The following CNTNAP3B variants were observed in gnomAD, a reference collection of about 807,000 sequenced individuals.
CNTNAP3B encodes the protein contactin associated protein family member 3B.
Under a neutral mutation model 108.9 loss-of-function variants are expected in CNTNAP3B, and 25 were observed. The observed-to-expected ratio is 0.23, with a 90% CI of 0.17 to 0.32. The LOEUF (loss-of-function observed/expected upper bound fraction) is 0.32, where lower values mean the gene tolerates loss of function less well. Ranked by LOEUF, CNTNAP3B falls within the 10% of genes least tolerant of loss-of-function variation. The pLI, the probability that CNTNAP3B is intolerant of heterozygous loss-of-function variation, is 1.00. For missense variants in CNTNAP3B, 252 were observed against 1,210.4 expected (o/e 0.21, Z 11.75); for synonymous variants, 103 against 473.4 (o/e 0.22, Z 10.16).
At chr9:42,085,858 A>T in intron 2 of CNTNAP3B, among the ~76,000 whole-genome samples, 1 of 144,378 alleles carries the variant, frequency 6.9e-6, no homozygotes, top group Non-Finnish European at 1.5e-5. Flanking sequence ...GCAACAATTA[A>T]GTACATAAAG....
At position 41,974,369 on chromosome 9, in the gene CNTNAP3B, C is replaced by T; in HGVS notation, c.1478-4124G>A. 6.2e-6 allele frequency: 2 copies of T among 321,534 alleles called. 1 individual carries two copies. Among genetic ancestry groups the T allele is most frequent in the Non-Finnish European group, 1.1e-5 (2 of 182,246 alleles). 19.9% of individuals were successfully genotyped at this position (321,534 alleles called of 1,614,324 possible). ...AATTGAAAAAAAAAAAAAGATGCCC[C>T]CATACGATGGCCTGAGAGTGGAGAC... On this transcript the variant is annotated intron_variant, in intron 9 of 23. Coordinates refer to ENST00000377561, the MANE Select transcript of CNTNAP3B (RefSeq NM_001201380.3).
rs1269639942 is a variant in CNTNAP3B, at chr9:41,936,305, A to G, written c.2237+1939T>C. Among the ~76,000 whole-genome samples, 4 of 150,840 alleles carry G rather than the reference A, an allele frequency of 2.7e-5. No individual in the cohort carries two copies. In the East Asian group the frequency reaches 5.8e-4, roughly 22 times the overall value. On this transcript the variant is annotated intron_variant, in intron 14 of 23. Coordinates refer to ENST00000377561, the MANE Select transcript of CNTNAP3B (RefSeq NM_001201380.3). The stretch of plus-strand genomic sequence containing the variant: ...ACAAAAACAAAACAAAACGGTTAAC[A>G]TTCTTCGAACTAAGTTATAAAGCCA...
intron 13 of CNTNAP3B, among the ~76,000 whole-genome samples, chr9:41,943,690 C>A (rs1395175199): frequency 6.7e-6 from 1 of 148,842 alleles, no homozygotes; most frequent in African/African-American, 2.5e-5. Flanking sequence ...CCTATGTAAC[C>A]CATAATCGGA....
At chr9:41,932,662 T>G (rs1312272107) in intron 14 of CNTNAP3B, among the ~76,000 whole-genome samples, 21 of 152,172 alleles carry the variant, frequency 1.4e-4, no homozygotes, top group Non-Finnish European at 2.1e-4. Context: ...TGGGATTACA[T>G]GCGTGCGCCA....
intron 15 of CNTNAP3B, among the ~76,000 whole-genome samples, chr9:41,924,645 GCACACACACACACACACACACACA>G (rs200851620): frequency 1.5e-5 from 2 of 135,062 alleles, no homozygotes; most frequent in Non-Finnish European, 3.2e-5. Context: ...TTTCCTTCCT[GCACACACACACACACACACACACA>G]CACACACACA....
intron 3 of CNTNAP3B, among the ~76,000 whole-genome samples, chr9:42,037,467 G>A (rs1338031905): frequency 1.5e-5 from 2 of 129,688 alleles, no homozygotes; most frequent in African/African-American, 3.2e-5. Flanking sequence ...CATGGCAAAA[G>A]AACCACATGA....
At chr9:41,923,699 T>C (rs892698784) in intron 16 of CNTNAP3B, among the ~76,000 whole-genome samples, 14 of 152,286 alleles carry the variant, frequency 9.2e-5, no homozygotes, top group African/African-American at 3.1e-4. Flanking sequence ...GAGGCTGAGG[T>C]TGCAGTGAGC....
intron 10 of CNTNAP3B, among the ~76,000 whole-genome samples, chr9:41,969,086 A>G (rs1443123697): frequency 7.2e-5 from 11 of 152,388 alleles, no homozygotes; most frequent in South Asian, 4.1e-4. Context: ...GTGAGCCACC[A>G]CGCTGGGCCA....
intron 1 of CNTNAP3B, among the ~76,000 whole-genome samples, chr9:42,115,946 C>G (rs1293816030): frequency 1.1e-4 from 15 of 132,822 alleles, no homozygotes; most frequent in Non-Finnish European, 2.1e-4. Flanking sequence ...TGTTCGAACC[C>G]GTCGCAAAGA....
intron 13 of CNTNAP3B, among the ~76,000 whole-genome samples, chr9:41,952,949 G>A (rs1403538485): frequency 6.6e-6 from 1 of 152,162 alleles, no homozygotes; most frequent in Non-Finnish European, 1.5e-5. Flanking sequence ...ATTAAGAAAG[G>A]ACAAGTCACT....
At chr9:41,939,967 T>A (rs559793970) in intron 13 of CNTNAP3B, among the ~76,000 whole-genome samples, 31 of 152,238 alleles carry the variant, frequency 2.0e-4, no homozygotes, top group Admixed American at 5.2e-4. Context: ...GAACATACAA[T>A]AACATAACGT....
At chr9:41,958,624 T>C (rs1344519873) in intron 12 of CNTNAP3B, among the ~76,000 whole-genome samples, 3 of 151,774 alleles carry the variant, frequency 2.0e-5, no homozygotes, top group African/African-American at 4.9e-5. Context: ...CAGCCCTCCC[T>C]CCCATCACCA....
chr9:41,999,517 C>T (rs1346536080), intron 4 of CNTNAP3B, among the ~76,000 whole-genome samples: 1 of 112,374 alleles, frequency 8.9e-6, no homozygotes, highest in African/African-American at 3.9e-5. Context: ...TTCCTTAAAA[C>T]TCTCTCTCTC....
intron 11 of CNTNAP3B, among the ~76,000 whole-genome samples, chr9:41,963,731 T>C (rs1825176900): frequency 6.6e-6 from 1 of 151,400 alleles, no homozygotes; most frequent in African/African-American, 2.4e-5. Context: ...CAATCAGGCA[T>C]CCTGGAGCCA....
At chr9:42,097,831 T>C (rs1279724866) in intron 2 of CNTNAP3B, among the ~76,000 whole-genome samples, 1 of 137,354 alleles carries the variant, frequency 7.3e-6, no homozygotes, top group Non-Finnish European at 1.6e-5. Flanking sequence ...AATAGCACTT[T>C]AAAGAACATT....
At chr9:42,098,527 G>A (rs1343688092) in intron 2 of CNTNAP3B, among the ~76,000 whole-genome samples, 1 of 90,090 alleles carries the variant, frequency 1.1e-5, no homozygotes, top group Admixed American at 1.2e-4. Context: ...AGCTTGCAGT[G>A]AGCAGAGATC....
At chr9:41,944,628 AAAG>A (rs1824469307) in intron 13 of CNTNAP3B, among the ~76,000 whole-genome samples, 1 of 151,934 alleles carries the variant, frequency 6.6e-6, no homozygotes, top group South Asian at 2.1e-4. Context: ...TTCAGGAAAA[AAAG>A]AAGAAACAAG....
chr9:41,961,581 C>T (rs1223292263), intron 11 of CNTNAP3B, among the ~76,000 whole-genome samples: 3 of 152,290 alleles, frequency 2.0e-5, no homozygotes, highest in Admixed American at 6.5e-5. Context: ...TTAAGCTATG[C>T]GGCAGTTATA....
intron 10 of CNTNAP3B, among the ~76,000 whole-genome samples, chr9:41,967,123 G>A (rs1825303000): frequency 6.7e-6 from 1 of 148,630 alleles, no homozygotes; most frequent in African/African-American, 2.5e-5. Context: ...GGATTTTTAG[G>A]TGTGGTATTT....
Sources: allele counts gnomAD v4.1 joint callset (sites outside exome capture counted in the v4.1 genomes callset), GRCh38; gene constraint gnomAD v4.1.1; transcripts MANE v1.5; gene names NCBI Gene and HGNC (gene_info 2026-07-23, HGNC 2026-07-21).